Variants in ARHGEF28 observed in about 807,000 individuals in gnomAD.
The protein encoded by ARHGEF28 is Rho guanine nucleotide exchange factor 28, also known as 190 kDa guanine nucleotide exchange factor.
ARHGEF28 carries 152 observed loss-of-function variants against 206.6 expected under a neutral mutation model. That is an observed-to-expected ratio of 0.74 (90% CI 0.64 to 0.84). The LOEUF is 0.84. ARHGEF28 is among the 40% of genes least tolerant of loss of function. ARHGEF28 has a pLI of 0.00. For missense variants in ARHGEF28, 2,028 were observed against 2,073.2 expected (o/e 0.98, Z 0.42); for synonymous variants, 763 against 776.4 (o/e 0.98, Z 0.29).
At position 73,894,502 on chromosome 5, in the gene ARHGEF28, C is replaced by T. The variant is rs539016931; in HGVS notation, c.3768C>T (p.Pro1256=). 6.9e-5 allele frequency: 111 copies of T among 1,613,928 alleles called. 2 individuals are homozygous for T. In the South Asian group the frequency reaches 7.2e-4, roughly 11 times the overall value. ...GATTTGAGGACGTCCATCTAGAGCC[C>T]CACCTCCTTATTAAACCTGACCCAG... ...LSGFEDVHLE[P]HLLIKPDPGE... Residue 1256 remains proline, a synonymous_variant, in exon 29 of 36, where the codon CCC becomes CCT. Coordinates refer to ENST00000513042, the MANE Select transcript of ARHGEF28 (RefSeq NM_001177693.2).
chr5:73,715,771 A>C (rs1749546665), intron 2 of ARHGEF28, among the ~76,000 whole-genome samples: 1 of 152,222 alleles, frequency 6.6e-6, no homozygotes, highest in Non-Finnish European at 1.5e-5. Flanking sequence ...GTTCACTTGC[A>C]TATTTAACCA....
intron 22 of ARHGEF28, among the ~76,000 whole-genome samples, chr5:73,879,819 G>A (rs1352933989): frequency 1.3e-5 from 2 of 152,270 alleles, no homozygotes; most frequent in African/African-American, 2.4e-5. Context: ...GCCATGTGAG[G>A]TGTCAGTCTG....
intron 1 of ARHGEF28, among the ~76,000 whole-genome samples, chr5:73,644,260 T>C (rs1744296239): frequency 6.6e-6 from 1 of 152,212 alleles, no homozygotes; most frequent in Non-Finnish European, 1.5e-5. Flanking sequence ...GTCTGTCTTA[T>C]AGACAAGCAT....
At chr5:73,698,491 A>C (rs1025137591) in intron 2 of ARHGEF28, among the ~76,000 whole-genome samples, 1 of 152,052 alleles carries the variant, frequency 6.6e-6, no homozygotes, top group African/African-American at 2.4e-5. Context: ...GAAGGAAATG[A>C]CTGTATGACC....
chr5:73,912,919 C>T (rs72774410), intron 35 of ARHGEF28, among the ~76,000 whole-genome samples: 16,826 of 152,128 alleles, frequency 0.11, 1,802 homozygotes, highest in African/African-American at 0.28. Flanking sequence ...GGTATAATTC[C>T]GAAACTCAGT....
intron 2 of ARHGEF28, among the ~76,000 whole-genome samples, chr5:73,738,807 A>G (rs551528540): frequency 6.6e-5 from 10 of 152,166 alleles, no homozygotes; most frequent in Non-Finnish European, 1.3e-4. Context: ...CAATGCTGTT[A>G]CTTGGCCCAC....
At chr5:73,885,719 T>A in intron 24 of ARHGEF28, 131 bp from the exon 25 acceptor site, 1 of 1,051,234 alleles carries the variant, frequency 9.5e-7, no homozygotes, top group East Asian at 2.8e-5. Context: ...ATCCAACATT[T>A]TTCTTATGGG....
intron 4 of ARHGEF28, among the ~76,000 whole-genome samples, chr5:73,773,640 G>C (rs555709912): frequency 1.3e-5 from 2 of 152,278 alleles, no homozygotes; most frequent in South Asian, 4.1e-4. Flanking sequence ...GTGCTCAGCG[G>C]ACCTGGCCCC....
chr5:73,915,883 TTGTTATGCATAGGCTAAAA>T (rs1763184223), intron 35 of ARHGEF28, among the ~76,000 whole-genome samples: 1 of 152,206 alleles, frequency 6.6e-6, no homozygotes, highest in African/African-American at 2.4e-5. Flanking sequence ...CATTATGATT[TTGTTATGCATAGGCTAAAA>T]TGTAAGTCAA....
chr5:73,864,885 T>G lies in ARHGEF28; in HGVS notation c.2103+13T>G. On this transcript the variant is annotated intron_variant, in intron 17 of 35. Transcript: ENST00000513042. ...TGCATGCACCAAGGTAATTGCTCAG[T>G]GATCTGTGAATATATATGTGGCATG... 1 of 1,612,110 alleles carries G rather than the reference T, an allele frequency of 6.2e-7. No homozygotes were observed. Among genetic ancestry groups the G allele is most frequent in the Non-Finnish European group, 8.5e-7 (1 of 1,178,660 alleles).
chr5:73,767,148 A>C (rs1226591978), intron 4 of ARHGEF28, among the ~76,000 whole-genome samples: 1 of 152,222 alleles, frequency 6.6e-6, no homozygotes, highest in Non-Finnish European at 1.5e-5. Flanking sequence ...CTCCCTAGCC[A>C]CATGGAATTG....
chr5:73,898,224 A>T lies in ARHGEF28; in HGVS notation c.3973+131A>T. On this transcript the variant is annotated intron_variant, in intron 30 of 35. Transcript: ENST00000513042. ...GATATATTTTTTTAAATTAGAAAAAAACTGAGAATAAATATGCTAGCCTAA... is the reference window on the plus strand; with the variant it reads ...GATATATTTTTTTAAATTAGAAAAATACTGAGAATAAATATGCTAGCCTAA... 2 of 1,134,066 alleles carry T rather than the reference A, an allele frequency of 1.8e-6. 1 individual carries two copies. Among genetic ancestry groups the T allele is most frequent in the South Asian group, 3.4e-5 (2 of 58,976 alleles). The allele number at this position is 1,134,066 out of a possible 1,614,324, so 70.3% of individuals were successfully genotyped here. A position where few individuals can be genotyped will look rare whatever the true frequency, so the allele number is the denominator to read the frequency against.
At chr5:73,821,705 T>C (rs532314664) in intron 9 of ARHGEF28, among the ~76,000 whole-genome samples, 2 of 152,290 alleles carry the variant, frequency 1.3e-5, no homozygotes, top group East Asian at 3.9e-4. Context: ...TTGCCAATTT[T>C]TCCTTGATGT....
intron 2 of ARHGEF28, among the ~76,000 whole-genome samples, chr5:73,702,563 T>C (rs1748668069): frequency 6.6e-6 from 1 of 152,194 alleles, no homozygotes; most frequent in Non-Finnish European, 1.5e-5. Flanking sequence ...TACCTAGAAG[T>C]AGAATTGCTG....
chr5:73,732,895 AT>A (rs1389969634), intron 2 of ARHGEF28, among the ~76,000 whole-genome samples: 1 of 152,244 alleles, frequency 6.6e-6, no homozygotes, highest in East Asian at 1.9e-4. Flanking sequence ...ATTCTAGTTA[AT>A]TAACTTTGAG....
chr5:73,832,603 A>G, intron 10 of ARHGEF28, 144 bp downstream of exon 10: 2 of 1,187,044 alleles, frequency 1.7e-6, no homozygotes, highest in Non-Finnish European at 2.3e-6. Context: ...GTCTCATTGT[A>G]TGAGCATTTA....
At chr5:73,810,078 G>A (rs1289514356) in intron 9 of ARHGEF28, among the ~76,000 whole-genome samples, 5 of 152,182 alleles carry the variant, frequency 3.3e-5, no homozygotes, top group Non-Finnish European at 4.4e-5. Flanking sequence ...CAGAAGAAAC[G>A]TGTTGGTGAG....
intron 5 of ARHGEF28, 65 bp downstream of exon 5, chr5:73,774,103 A>C (rs748219503): frequency 1.8e-4 from 264 of 1,435,254 alleles, no homozygotes; most frequent in Non-Finnish European, 2.4e-4. Context: ...TTATAGAAAA[A>C]TGGAAATAAC....
intron 1 of ARHGEF28, among the ~76,000 whole-genome samples, chr5:73,651,481 T>A (rs563072156): frequency 6.6e-6 from 1 of 152,270 alleles, no homozygotes; most frequent in South Asian, 2.1e-4. Context: ...CTGGTAGAGA[T>A]TGTGGGGAAT....
Sources: allele counts gnomAD v4.1 joint callset (sites outside exome capture counted in the v4.1 genomes callset), GRCh38; gene constraint gnomAD v4.1.1; transcripts MANE v1.5; gene names NCBI Gene and HGNC (gene_info 2026-07-23, HGNC 2026-07-21).